The following LITAF variants were observed in gnomAD, a reference collection of about 807,000 sequenced individuals.
The protein encoded by LITAF is lipopolysaccharide-induced tumor necrosis factor-alpha factor.
Under a neutral mutation model 14.5 loss-of-function variants are expected in LITAF, and 9 were observed. That is an observed-to-expected ratio of 0.62 (90% confidence interval 0.37 to 1.08). LITAF has a LOEUF of 1.08. Ranked by LOEUF, LITAF falls within the 50% of genes least tolerant of loss-of-function variation. LITAF has a pLI of 0.01. For synonymous variants in LITAF, 98 were observed against 88.2 expected (o/e 1.11, Z -0.62); for missense variants, 206 against 213.4 (o/e 0.97, Z 0.22).
intron 1 of LITAF, among the ~76,000 whole-genome samples, chr16:11,564,902 G>C (rs2064427094): frequency 1.3e-5 from 2 of 152,072 alleles, no homozygotes; most frequent in South Asian, 4.1e-4. Context: ...AGCAGTGGGA[G>C]GAAATGGGTA....
chr16:11,583,751 G>A (rs1409473556), intron 1 of LITAF, among the ~76,000 whole-genome samples: 1 of 152,180 alleles, frequency 6.6e-6, no homozygotes, highest in African/African-American at 2.4e-5. Context: ...GGCTCCATGA[G>A]CTAAATAGCT....
At chr16:11,631,065 A>G (rs4307964) in intron 3 of LITAF, among the ~76,000 whole-genome samples, 1,649 of 152,304 alleles carry the variant, frequency 0.011, 29 homozygotes, top group African/African-American at 0.038. Context: ...ACAAGGTTAA[A>G]GTCACCTGCC....
intron 1 of LITAF, among the ~76,000 whole-genome samples, chr16:11,569,823 A>C (rs2868422): frequency 6.6e-5 from 10 of 152,312 alleles, no homozygotes; most frequent in Non-Finnish European, 1.2e-4. Flanking sequence ...ACTTGAGGTC[A>C]GAAGTTCAAG....
At chr16:11,598,434 C>G (rs1372774106) in exon 1 of LITAF, 1 of 152,242 alleles carries the variant, frequency 6.6e-6, no homozygotes, top group Non-Finnish European at 1.5e-5. Context: ...ACCTCCATAT[C>G]AGTGTCTGTC....
At chr16:11,629,961 A>G (rs908866945) in intron 3 of LITAF, among the ~76,000 whole-genome samples, 2 of 152,180 alleles carry the variant, frequency 1.3e-5, no homozygotes, top group African/African-American at 4.8e-5. Flanking sequence ...GAGATTTAAC[A>G]TCAGTCGCCA....
chr16:11,632,522 T>G lies in LITAF; in HGVS notation c.85+1011A>C, dbSNP rs1201938486. Among the ~76,000 whole-genome samples, 1 of 152,204 alleles carries G rather than the reference T, an allele frequency of 6.6e-6. No individual in the cohort carries two copies. Among genetic ancestry groups the G allele is most frequent in the Non-Finnish European group, 1.5e-5 (1 of 68,028 alleles). The stretch of plus-strand genomic sequence containing the variant: ...CCAGCTCAGAACTAACAGCTACCCC[T>G]GACTCTGCGGGCCCAGAGCAGATCA... On this transcript the variant is annotated intron_variant, in intron 3 of 3. Transcript: ENST00000574848. The surrounding 1 kb of genome is among the most constrained non-coding windows in gnomAD (Gnocchi z 4.8).
At chr16:11,637,920 C>A (rs2080511), upstream of LITAF, among the ~76,000 whole-genome samples, 3,766 of 30,010 alleles carry the variant, frequency 0.13, 1,055 homozygotes, top group African/African-American at 0.29. Flanking sequence ...ATATCTATAT[C>A]TATATCTATA....
chr16:11,614,637 T>C (rs988342411), intron 3 of LITAF, among the ~76,000 whole-genome samples: 3 of 152,008 alleles, frequency 2.0e-5, no homozygotes, highest in Non-Finnish European at 4.4e-5. Context: ...TCTTACTCTG[T>C]CACCCAGACT....
At chr16:11,580,956 G>A (rs1403904005) in intron 1 of LITAF, among the ~76,000 whole-genome samples, 1 of 152,088 alleles carries the variant, frequency 6.6e-6, no homozygotes, top group Non-Finnish European at 1.5e-5. Flanking sequence ...GTAGAGACAG[G>A]GCTTTGCCAT....
At chr16:11,562,757 C>T (rs1299983682) in intron 1 of LITAF, among the ~76,000 whole-genome samples, 2 of 151,962 alleles carry the variant, frequency 1.3e-5, no homozygotes, top group African/African-American at 2.4e-5. Context: ...ATTAGCCGGG[C>T]GTTATGGCAG....
upstream of LITAF, chr16:11,587,152 C>G (rs920247158): frequency 3.1e-6 from 1 of 321,980 alleles, no homozygotes; most frequent in African/African-American, 2.2e-5. Flanking sequence ...CAGGCTTACC[C>G]CCGAGACGCC....
At chr16:11,575,714 C>T (rs990741763) in intron 1 of LITAF, 2 of 152,260 alleles carry the variant, frequency 1.3e-5, no homozygotes, top group South Asian at 2.1e-4. Flanking sequence ...GGTCTCACGG[C>T]CCACGGCCAA....
chr16:11,622,018 A>AAACAAAATGAAACAAAACACGTCTGC, intron 3 of LITAF, among the ~76,000 whole-genome samples: 1 of 152,270 alleles, frequency 6.6e-6, no homozygotes, highest in East Asian at 1.9e-4. Flanking sequence ...AAACAATGCA[A>AAACAAAATGAAACAAAACACGTCTGC]AACAAAATGA....
chr16:11,607,209 G>C lies in LITAF; in HGVS notation c.85+26324C>G, dbSNP rs564190415. Among the ~76,000 whole-genome samples, 9 of 152,290 alleles carry C rather than the reference G, an allele frequency of 5.9e-5. No individual in the cohort carries two copies. The South Asian group carries it at 1.9e-3, about 32-fold the overall frequency. ...TCTCAGGGCAGGTGCCCCATGTATAGCTGCCTTGCCAAGCTGGCCTCAGCC... is the reference window on the plus strand; with the variant it reads ...TCTCAGGGCAGGTGCCCCATGTATACCTGCCTTGCCAAGCTGGCCTCAGCC... On this transcript the variant is annotated intron_variant, in intron 3 of 3. Coordinates refer to the LITAF transcript ENST00000574848.
Position 11,586,672 on chromosome 16 carries a change from C to T in LITAF, c.-6+214G>A, listed in dbSNP as rs1422581894. On this transcript the variant is annotated intron_variant, in intron 1 of 3. Coordinates refer to ENST00000622633, the MANE Select transcript of LITAF (RefSeq NM_001136472.2). This position sits in a 1 kb window ranked among gnomAD's most constrained non-coding sequence, Gnocchi z 6.5. ...AGCTGAACCCAACCGGAGACGCGGCCGGGACCAGCGCTGGGAGGCCGGACC... is the reference window on the plus strand; with the variant it reads ...AGCTGAACCCAACCGGAGACGCGGCTGGGACCAGCGCTGGGAGGCCGGACC... Among the ~76,000 whole-genome samples the T allele has an allele frequency of 6.6e-6, 1 of 151,522 alleles. No homozygotes were observed. Among genetic ancestry groups the T allele is most frequent in the Non-Finnish European group, 1.5e-5 (1 of 67,678 alleles).
intron 3 of LITAF, among the ~76,000 whole-genome samples, chr16:11,625,776 G>A (rs766271023): frequency 1.7e-4 from 26 of 151,932 alleles, no homozygotes; most frequent in South Asian, 2.1e-4. Context: ...CTGTGTGCCC[G>A]CGCTGGAGAC....
In LITAF at chr16:11,586,056, C is replaced by T; in HGVS notation, c.-6+830G>A. On this transcript the variant is annotated intron_variant, in intron 1 of 3. Coordinates refer to ENST00000622633, the MANE Select transcript of LITAF (RefSeq NM_001136472.2). This position sits in a 1 kb window ranked among gnomAD's most constrained non-coding sequence, Gnocchi z 6.5. ...CCACCTATCCACAGTGACCTGCAAA[C>T]CAGAGCGGGGAGGGTATTTGCCTAG... 1 of 152,680 alleles carries T rather than the reference C, an allele frequency of 6.5e-6. No individual in the cohort carries two copies. Among genetic ancestry groups the T allele is most frequent in the East Asian group, 1.9e-4 (1 of 5,214 alleles). The allele number at this position is 152,680 out of a possible 1,614,324, so 9.5% of individuals were successfully genotyped here.
At chr16:11,608,277 C>T (rs906626338) in intron 3 of LITAF, among the ~76,000 whole-genome samples, 9 of 152,128 alleles carry the variant, frequency 5.9e-5, no homozygotes, top group Admixed American at 1.3e-4. Flanking sequence ...GCCTGTCCCT[C>T]GTTATGGTGA....
At chr16:11,618,750 C>T (rs1475511443) in intron 3 of LITAF, among the ~76,000 whole-genome samples, 13 of 152,084 alleles carry the variant, frequency 8.5e-5, no homozygotes, top group African/African-American at 3.1e-4. Context: ...TTTAGGAGAC[C>T]GAGGCGGGCG....
Sources: allele counts gnomAD v4.1 joint callset (sites outside exome capture counted in the v4.1 genomes callset), GRCh38; gene constraint gnomAD v4.1.1; non-coding constraint Gnocchi (gnomAD v3.1); transcripts MANE v1.5; gene names NCBI Gene and HGNC (gene_info 2026-07-23, HGNC 2026-07-21).